BEND7: variants seen among roughly 807,000 people sequenced by gnomAD.
The protein encoded by BEND7 is BEN domain-containing protein 7.
Under a neutral mutation model 50.9 loss-of-function variants are expected in BEND7, and 28 were observed. The observed-to-expected ratio is 0.55, with a 90% CI of 0.41 to 0.75. The LOEUF is 0.75. Ranked by LOEUF, BEND7 falls within the 30% of genes least tolerant of loss-of-function variation. BEND7 has a pLI of 0.00. For synonymous variants in BEND7, 170 were observed against 183.9 expected (o/e 0.92, Z 0.61); for missense variants, 477 against 491.3 (o/e 0.97, Z 0.28).
At chr10:13,488,925 C>T (rs1156301827) in intron 5 of BEND7, among the ~76,000 whole-genome samples, 1 of 152,174 alleles carries the variant, frequency 6.6e-6, no homozygotes, top group African/African-American at 2.4e-5. Flanking sequence ...AGGCTATTCC[C>T]TTTCTAAAAA....
chr10:13,439,560 A>G (rs1004351447), downstream of BEND7: 16 of 1,473,346 alleles, frequency 1.1e-5, no homozygotes, highest in Non-Finnish European at 1.5e-5. Context: ...TCTCCTCCAA[A>G]TCGTCACACC....
intron 4 of BEND7, among the ~76,000 whole-genome samples, 162 bp from the exon 5 acceptor site, chr10:13,493,038 C>T (rs117198623): frequency 0.017 from 2,609 of 152,306 alleles, 30 homozygotes; most frequent in Non-Finnish European, 0.029. Flanking sequence ...GGTTACCAAA[C>T]GCAGGCTCTG....
At chr10:13,506,051 T>C (rs530604941) in intron 2 of BEND7, among the ~76,000 whole-genome samples, 1 of 152,272 alleles carries the variant, frequency 6.6e-6, no homozygotes, top group African/African-American at 2.4e-5. Flanking sequence ...CGGGTACAAA[T>C]TGAAAGGTAC....
At chr10:13,516,929 C>T (rs1156424592) in intron 2 of BEND7, among the ~76,000 whole-genome samples, 1 of 152,082 alleles carries the variant, frequency 6.6e-6, no homozygotes, top group African/African-American at 2.4e-5. Context: ...GACTGTATTT[C>T]TCAGTGTCCA....
chr10:13,492,978 G>C, intron 4 of BEND7, 102 bp from the exon 5 acceptor site: 1 of 1,359,304 alleles, frequency 7.4e-7, no homozygotes, highest in Non-Finnish European at 1.0e-6. Flanking sequence ...ACCGAAACGA[G>C]GAAAACTCCA....
intron 8 of BEND7, 184 bp from the exon 9 acceptor site, chr10:13,441,934 A>G (rs1835387586): frequency 1.6e-6 from 1 of 625,410 alleles, no homozygotes; most frequent in African/African-American, 1.8e-5. Context: ...TTGATTCTAC[A>G]AGCCACGCCT....
downstream of BEND7, chr10:13,438,933 T>G (rs993915083): frequency 1.0e-5 from 5 of 488,144 alleles, no homozygotes; most frequent in African/African-American, 1.9e-5. Flanking sequence ...GGGGAGTCAC[T>G]TCTGGTAACT....
In BEND7 at chr10:13,469,456, G is replaced by A. The variant is rs118056277; in HGVS notation, c.1063+11443C>T. Among the ~76,000 whole-genome samples, 812 of 152,238 alleles carry A rather than the reference G, an allele frequency of 5.3e-3. 18 individuals carry two copies. Among genetic ancestry groups the A allele is most frequent in the Admixed American group, 0.031 (473 of 15,292 alleles). ...CAGCCAAAATCGATTACAGCTTTCC[G>A]TTAATTTTAAATGAAGGTTATGGAA... is the stretch of plus-strand genomic sequence containing the variant. On this transcript the variant is annotated intron_variant, in intron 6 of 8. Coordinates refer to ENST00000466271, the MANE Select transcript of BEND7 (RefSeq NM_001369863.1).
chr10:13,469,756 T>G (rs1375661810), intron 6 of BEND7, among the ~76,000 whole-genome samples: 2 of 152,234 alleles, frequency 1.3e-5, no homozygotes, highest in Non-Finnish European at 2.9e-5. Context: ...ATTACAGGCA[T>G]GAGCCACCGT....
chr10:13,442,083 A>G, intron 8 of BEND7: 1 of 297,210 alleles, frequency 3.4e-6, no homozygotes, highest in Non-Finnish European at 6.3e-6. Flanking sequence ...TGACATGAAT[A>G]CCTTGGACAG....
At chr10:13,445,323 G>A (rs935098157) in intron 8 of BEND7, 3 of 152,164 alleles carry the variant, frequency 2.0e-5, no homozygotes, top group Non-Finnish European at 2.9e-5. Flanking sequence ...GACTGACGAC[G>A]AACATTTTAA....
At chr10:13,501,044 A>C (rs2077409251) in intron 2 of BEND7, among the ~76,000 whole-genome samples, 2 of 152,232 alleles carry the variant, frequency 1.3e-5, no homozygotes, top group Non-Finnish European at 2.9e-5. Context: ...GGGAGTACTT[A>C]ATAAATATTA....
intron 2 of BEND7, among the ~76,000 whole-genome samples, chr10:13,521,230 G>A (rs2079058576): frequency 6.6e-6 from 1 of 152,136 alleles, no homozygotes; most frequent in Admixed American, 6.5e-5. Context: ...TTTGAACAAA[G>A]CCTGCCATGC....
chr10:13,449,780 C>CA (rs1837293876), intron 7 of BEND7, among the ~76,000 whole-genome samples: 1 of 151,940 alleles, frequency 6.6e-6, no homozygotes, highest in Non-Finnish European at 1.5e-5. Context: ...CATATATAAC[C>CA]AAAAAAATAT....
intron 6 of BEND7, among the ~76,000 whole-genome samples, chr10:13,474,231 T>C (rs913571472): frequency 2.0e-5 from 3 of 152,292 alleles, no homozygotes; most frequent in Admixed American, 6.5e-5. Context: ...CCGTCATCGC[T>C]GTTAGACTCG....
At chr10:13,519,398 C>A (rs1242923203) in intron 2 of BEND7, among the ~76,000 whole-genome samples, 1 of 151,964 alleles carries the variant, frequency 6.6e-6, no homozygotes, top group Non-Finnish European at 1.5e-5. Context: ...ATGGCGTGAA[C>A]CCGGGAGGTG....
At chr10:13,453,492 T>C (rs903883543) in intron 6 of BEND7, among the ~76,000 whole-genome samples, 6 of 152,060 alleles carry the variant, frequency 3.9e-5, no homozygotes, top group East Asian at 1.9e-4. Context: ...AAAGAAAATA[T>C]TGACAGATTC....
chr10:13,525,544 G>A (rs1183360862), intron 2 of BEND7, among the ~76,000 whole-genome samples: 1 of 152,220 alleles, frequency 6.6e-6, no homozygotes, highest in East Asian at 1.9e-4. Flanking sequence ...AAAATGAGGA[G>A]CTGCTTGATG....
At chr10:13,523,954 T>C (rs2079254225) in intron 2 of BEND7, among the ~76,000 whole-genome samples, 1 of 152,240 alleles carries the variant, frequency 6.6e-6, no homozygotes, top group South Asian at 2.1e-4. Flanking sequence ...TTTTGTCTCT[T>C]GATGTTGAAG....
Sources: allele counts gnomAD v4.1 joint callset (sites outside exome capture counted in the v4.1 genomes callset), GRCh38; gene constraint gnomAD v4.1.1; transcripts MANE v1.5; gene names NCBI Gene and HGNC (gene_info 2026-07-23, HGNC 2026-07-21).